The following XKR9 variants were observed in gnomAD, a reference collection of about 807,000 sequenced individuals.
XKR9 encodes the protein XK related 9.
In XKR9, 32 loss-of-function variants were observed where a neutral mutation model predicts 32.0. The ratio of observed to expected loss-of-function variants is 1.00; its 90% CI spans 0.76 to 1.34. The LOEUF (loss-of-function observed/expected upper bound fraction) is 1.34. Ranked by LOEUF, XKR9 falls within the 40% of genes most tolerant of loss-of-function variation. The pLI is 0.00. For missense variants in XKR9, 546 were observed against 429.7 expected, an observed-to-expected ratio of 1.27 and a Z score of -2.39; for synonymous variants, 168 against 143.4, an observed-to-expected ratio of 1.17 and a Z score of -1.22.
the XKR9 span, among the ~76,000 whole-genome samples, chr8:70,901,624 G>C: frequency 6.6e-6 from 1 of 152,162 alleles, no homozygotes; most frequent in Non-Finnish European, 1.5e-5. Context: ...TGTTCACTCT[G>C]ATGGTAGTTT....
chr8:70,681,008 C>G lies in XKR9; in HGVS notation c.-51C>G, dbSNP rs754354416. 8 of 1,542,424 alleles carry G rather than the reference C, an allele frequency of 5.2e-6. No homozygotes were observed. On this transcript the variant is annotated 5_prime_UTR_variant, in exon 3 of 5. Coordinates refer to ENST00000408926, the MANE Select transcript of XKR9 (RefSeq NM_001011720.2). The stretch of plus-strand genomic sequence containing the variant: ...CTAATATTTGTTTGGCTTTTTTTCC[C>G]TTTTTGTGAGGGAGAAAAAAGTAGA...
the XKR9 span, among the ~76,000 whole-genome samples, chr8:70,905,601 A>G: frequency 2.0e-5 from 3 of 152,156 alleles, no homozygotes; most frequent in Non-Finnish European, 4.4e-5. Flanking sequence ...GTTATTACCA[A>G]TCATCTGAAG....
the XKR9 span, among the ~76,000 whole-genome samples, chr8:71,001,479 T>G: frequency 2.0e-5 from 3 of 152,134 alleles, no homozygotes; most frequent in African/African-American, 2.4e-5. Context: ...CCTAGGCTGG[T>G]CTCAAACTCC....
intron 3 of XKR9, among the ~76,000 whole-genome samples, chr8:70,700,131 C>T (rs1805464084): frequency 6.6e-6 from 1 of 152,164 alleles, no homozygotes; most frequent in African/African-American, 2.4e-5. Flanking sequence ...GTTTGAATTT[C>T]CTCCTGTAGG....
chr8:71,031,106 T>C, the XKR9 span, among the ~76,000 whole-genome samples: 1 of 152,240 alleles, frequency 6.6e-6, no homozygotes, highest in Non-Finnish European at 1.5e-5. Flanking sequence ...CTACATTCTA[T>C]TTATACTAGC....
the XKR9 span, among the ~76,000 whole-genome samples, chr8:70,971,733 T>C: frequency 1.3e-5 from 2 of 152,126 alleles, no homozygotes; most frequent in Non-Finnish European, 2.9e-5. Flanking sequence ...TTCTTTACTT[T>C]ATGTTTTTGT....
chr8:70,762,110 A>G (rs568235329), intron 2 of XKR9, among the ~76,000 whole-genome samples: 2 of 152,148 alleles, frequency 1.3e-5, no homozygotes, highest in Admixed American at 6.5e-5. Flanking sequence ...GCCCTGTAGT[A>G]TAGTTTGAAG....
At chr8:71,040,259 G>C in the XKR9 span, among the ~76,000 whole-genome samples, 1 of 152,164 alleles carries the variant, frequency 6.6e-6, no homozygotes, top group African/African-American at 2.4e-5. Flanking sequence ...GAGGGAGAGA[G>C]AAGAAGGGGA....
At chr8:70,956,437 T>C in the XKR9 span, among the ~76,000 whole-genome samples, 1 of 152,096 alleles carries the variant, frequency 6.6e-6, no homozygotes, top group Non-Finnish European at 1.5e-5. Context: ...CATCATCCAA[T>C]TGGCCGAACT....
chr8:70,808,870 C>A, the XKR9 span, among the ~76,000 whole-genome samples: 3 of 152,222 alleles, frequency 2.0e-5, no homozygotes, highest in Admixed American at 6.5e-5. Flanking sequence ...CCACTGGGGG[C>A]AGGGCATAGC....
chr8:70,892,058 C>G, the XKR9 span, among the ~76,000 whole-genome samples: 1 of 151,864 alleles, frequency 6.6e-6, no homozygotes, highest in Non-Finnish European at 1.5e-5. Flanking sequence ...CTGTTTTATC[C>G]AATATAAATA....
intron 2 of XKR9, among the ~76,000 whole-genome samples, chr8:70,754,947 A>G (rs1807197324): frequency 6.6e-6 from 1 of 152,142 alleles, no homozygotes; most frequent in South Asian, 2.1e-4. Context: ...TCTGCACAGC[A>G]AAAGAAACTA....
At chr8:70,763,894 T>A (rs181620604) in intron 2 of XKR9, among the ~76,000 whole-genome samples, 1 of 152,356 alleles carries the variant, frequency 6.6e-6, no homozygotes, top group Admixed American at 6.5e-5. Flanking sequence ...TATTGGCATC[T>A]GCCTCTAGGT....
At chr8:70,674,432 T>G (rs1222672462) in intron 1 of XKR9, among the ~76,000 whole-genome samples, 1 of 152,210 alleles carries the variant, frequency 6.6e-6, no homozygotes, top group Non-Finnish European at 1.5e-5. Context: ...AATCATATGC[T>G]CTTTGGGGCA....
the XKR9 span, among the ~76,000 whole-genome samples, chr8:71,037,345 T>C: frequency 3.3e-5 from 5 of 152,298 alleles, 1 homozygote; most frequent in African/African-American, 1.2e-4. Context: ...TTATATTCTT[T>C]AGGAAACTGA....
chr8:70,809,116 G>A, the XKR9 span, among the ~76,000 whole-genome samples: 1 of 152,156 alleles, frequency 6.6e-6, no homozygotes, highest in Non-Finnish European at 1.5e-5. Flanking sequence ...GAACGATCAG[G>A]CAGCAACATT....
At chr8:70,715,861 G>C (rs73684537) in intron 4 of XKR9, among the ~76,000 whole-genome samples, 11,041 of 151,888 alleles carry the variant, frequency 0.073, 484 homozygotes, top group Non-Finnish European at 0.089. Context: ...AAGCAAAACT[G>C]TATCAAGTAT....
the XKR9 span, among the ~76,000 whole-genome samples, chr8:70,997,253 C>A: frequency 0.059 from 9,026 of 151,816 alleles, 378 homozygotes; most frequent in Non-Finnish European, 0.084. Context: ...GCTGAGATTG[C>A]GCCACTGCAC....
chr8:71,060,766 A>G, the XKR9 span, among the ~76,000 whole-genome samples: 1 of 152,302 alleles, frequency 6.6e-6, no homozygotes, highest in East Asian at 1.9e-4. Context: ...TTTCTACCCC[A>G]GTTAGGGAAG....
Sources: allele counts gnomAD v4.1 joint callset (sites outside exome capture counted in the v4.1 genomes callset), GRCh38; gene constraint gnomAD v4.1.1; transcripts MANE v1.5; gene names NCBI Gene and HGNC (gene_info 2026-07-23, HGNC 2026-07-21).